KMO: variants seen among roughly 807,000 people sequenced by gnomAD.
KMO encodes the protein kynurenine 3-hydroxylase.
Under a neutral mutation model 57.8 loss-of-function variants are expected in KMO, and 24 were observed. That is an observed-to-expected ratio of 0.42 (90% CI 0.30 to 0.58). The LOEUF (loss-of-function observed/expected upper bound fraction) is 0.58. Ranked by LOEUF, KMO falls within the 20% of genes least tolerant of loss-of-function variation. KMO has a pLI of 0.22. For synonymous variants in KMO, 210 were observed against 193.6 expected, an observed-to-expected ratio of 1.08 and a Z score of -0.70; for missense variants, 483 against 588.2, an observed-to-expected ratio of 0.82 and a Z score of 1.85.
intron 8 of KMO, 105 bp downstream of exon 8, chr1:241,565,163 G>A (rs1662028579): frequency 7.2e-6 from 5 of 693,974 alleles, no homozygotes; most frequent in Admixed American, 5.0e-5. Flanking sequence ...TCTCTTCATT[G>A]TTTAATCCAT....
chr1:241,570,430 A>G (rs1362110047), intron 10 of KMO, among the ~76,000 whole-genome samples: 1 of 151,978 alleles, frequency 6.6e-6, no homozygotes, highest in East Asian at 1.9e-4. Flanking sequence ...TTTGTCTTTA[A>G]TCCACTTTCA....
intron 9 of KMO, among the ~76,000 whole-genome samples, chr1:241,566,864 C>T (rs1468728868): frequency 6.6e-6 from 1 of 152,206 alleles, no homozygotes; most frequent in Non-Finnish European, 1.5e-5. Flanking sequence ...GCATCTTATG[C>T]AGGCTCCTCA....
chr1:241,559,701 C>T (rs1349676884), intron 5 of KMO, among the ~76,000 whole-genome samples: 1 of 152,104 alleles, frequency 6.6e-6, no homozygotes, highest in Non-Finnish European at 1.5e-5. Flanking sequence ...AGGAATAGAA[C>T]TCCTGCCTTA....
intron 4 of KMO, among the ~76,000 whole-genome samples, chr1:241,553,610 G>T (rs112963423): frequency 1.1e-4 from 17 of 152,134 alleles, no homozygotes; most frequent in Admixed American, 2.6e-4. Context: ...GATCGCTTGA[G>T]CCCGGGAGGT....
Position 241,569,239 on chromosome 1 carries a change from A to G in KMO, c.957+592A>G, listed in dbSNP as rs182852981. On this transcript the variant is annotated intron_variant, in intron 10 of 14. Coordinates refer to ENST00000366559, the MANE Select transcript of KMO (RefSeq NM_003679.5). ...AATTATTGTTAACCACATTCACCCT[A>G]TTGTGATGCCAAATACTAGATCTTA... Among the ~76,000 whole-genome samples, 21 of 152,176 alleles carry G rather than the reference A, an allele frequency of 1.4e-4. No individual in the cohort carries two copies. The East Asian group carries it at 4.1e-3, about 29-fold the overall frequency.
chr1:241,541,310 G>C (rs888053719), intron 1 of KMO, among the ~76,000 whole-genome samples: 1 of 152,136 alleles, frequency 6.6e-6, no homozygotes, highest in Non-Finnish European at 1.5e-5. Flanking sequence ...AATATTCACC[G>C]AGCTACCCTG....
chr1:241,542,905 A>G (rs562257728), intron 1 of KMO, among the ~76,000 whole-genome samples: 1 of 152,338 alleles, frequency 6.6e-6, no homozygotes, highest in Admixed American at 6.5e-5. Flanking sequence ...GAGAGGGGAA[A>G]GAAAATTACA....
chr1:241,576,916 G>A (rs1157506910), intron 10 of KMO, among the ~76,000 whole-genome samples: 4 of 151,978 alleles, frequency 2.6e-5, no homozygotes, highest in Non-Finnish European at 5.9e-5. Flanking sequence ...ATTTCTTTGA[G>A]GCTTTGTTCA....
intron 10 of KMO, among the ~76,000 whole-genome samples, chr1:241,573,178 C>A (rs1007971742): frequency 6.6e-6 from 1 of 151,942 alleles, no homozygotes; most frequent in Non-Finnish European, 1.5e-5. Context: ...TTTGTAGAGA[C>A]GTTTTGCCCT....
At chr1:241,547,153 A>G (rs1661179859) in intron 1 of KMO, among the ~76,000 whole-genome samples, 1 of 152,226 alleles carries the variant, frequency 6.6e-6, no homozygotes, top group East Asian at 1.9e-4. Flanking sequence ...AGCTTTAAAA[A>G]GACAAGAGAT....
rs1553351151 is a variant in KMO at position 241,585,245 on chromosome 1, T to TTAATAATTAAATTA, written c.958-1434_958-1433insTAATAATTAAATTA. 2.5e-4 allele frequency among the ~76,000 whole-genome samples: 38 copies of TTAATAATTAAATTA among 150,144 alleles called. No homozygotes were observed. The South Asian group carries it at 7.4e-3, about 29-fold the overall frequency. On this transcript the variant is annotated intron_variant, in intron 10 of 14. Coordinates refer to ENST00000366559, the MANE Select transcript of KMO (RefSeq NM_003679.5). ...CTGCATTTCAAAATTAATTAATTAA[T>TTAATAATTAAATTA]AATTAAATTAAATTAAATTGGAATT... is the stretch of plus-strand genomic sequence containing the variant.
chr1:241,555,670 A>C lies in KMO; in HGVS notation c.361+10A>C, dbSNP rs749861260. On this transcript the variant is annotated intron_variant, in intron 5 of 14. Coordinates refer to ENST00000366559, the MANE Select transcript of KMO (RefSeq NM_003679.5). ...AAGGATCTATTGACTGGTAAGTCTAATGTTTGATTCATCAGTTGTCATTTT... is the reference window on the plus strand; with the variant it reads ...AAGGATCTATTGACTGGTAAGTCTACTGTTTGATTCATCAGTTGTCATTTT... 7.9e-6 allele frequency: 12 copies of C among 1,513,852 alleles called. No homozygotes were observed. The South Asian group carries it at 1.1e-4, about 14-fold the overall frequency. 93.8% of individuals were successfully genotyped at this position (1,513,852 alleles called of 1,614,324 possible).
chr1:241,561,978 G>A, intron 6 of KMO, 189 bp from the exon 7 acceptor site: 2 of 580,392 alleles, frequency 3.4e-6, no homozygotes, highest in Non-Finnish European at 6.1e-6. Context: ...ATTCTCATAA[G>A]CAAACTTATG....
chr1:241,559,942 C>G lies in KMO; in HGVS notation c.362-723C>G, dbSNP rs76798088. Among the ~76,000 whole-genome samples the G allele has an allele frequency of 1.2e-3, 182 of 152,096 alleles. 2 individuals carry two copies. In the East Asian group the frequency reaches 0.031, roughly 26 times the overall value. ...CTATTCCAGCTCTAACACCTGTATTCTGATTTATACCTTTAAGAACAATAA... is the reference window on the plus strand; with the variant it reads ...CTATTCCAGCTCTAACACCTGTATTGTGATTTATACCTTTAAGAACAATAA... On this transcript the variant is annotated intron_variant, in intron 5 of 14. Transcript: ENST00000366559.
At chr1:241,588,329 C>CTTTTTTTTTTTTTTT (rs57587351) in intron 11 of KMO, among the ~76,000 whole-genome samples, 10 of 98,384 alleles carry the variant, frequency 1.0e-4, no homozygotes, top group Non-Finnish European at 1.1e-4. Context: ...TCTTTTTTTT[C>CTTTTTTTTTTTTTTT]TTTTTTTTTT....
chr1:241,553,697 T>C (rs111718870), intron 4 of KMO, among the ~76,000 whole-genome samples: 1 of 152,110 alleles, frequency 6.6e-6, no homozygotes. Flanking sequence ...AAAAATTTTT[T>C]AAAAAATTAA....
At position 241,586,758 on chromosome 1, in the gene KMO, A is replaced by G. The variant is rs147276276; in HGVS notation, c.1015+22A>G. 39 of 1,557,176 alleles carry G rather than the reference A, an allele frequency of 2.5e-5. No homozygotes were observed. In the African/African-American group the frequency reaches 4.5e-4, roughly 18 times the overall value. ...CTTAGTAAGTAAGGTCAATTTCTCAACTGGACATGTACTAGCTCTTCTGAC... is the reference window on the plus strand; with the variant it reads ...CTTAGTAAGTAAGGTCAATTTCTCAGCTGGACATGTACTAGCTCTTCTGAC... On this transcript the variant is annotated intron_variant, in intron 11 of 14. Coordinates refer to ENST00000366559, the MANE Select transcript of KMO (RefSeq NM_003679.5).
intron 11 of KMO, among the ~76,000 whole-genome samples, chr1:241,587,382 T>C (rs923670831): frequency 2.6e-5 from 4 of 152,114 alleles, no homozygotes; most frequent in African/African-American, 4.8e-5. Flanking sequence ...GGACCGAGGG[T>C]TGGGGACAGT....
chr1:241,545,192 G>A (rs1365836511), intron 1 of KMO, among the ~76,000 whole-genome samples: 1 of 152,122 alleles, frequency 6.6e-6, no homozygotes, highest in African/African-American at 2.4e-5. Context: ...AAACACAATG[G>A]TAGATGCTAG....
Sources: gnomAD v4.1 joint callset for allele counts (sites outside exome capture counted in the v4.1 genomes callset) on GRCh38, gnomAD v4.1.1 for gene constraint, MANE v1.5 for transcripts, NCBI Gene and HGNC (gene_info 2026-07-23, HGNC 2026-07-21) for gene names.